The following RHOBTB1 variants were observed in gnomAD, a reference collection of about 807,000 sequenced individuals.
The protein encoded by RHOBTB1 is Rho related BTB domain containing 1.
In RHOBTB1, 40 loss-of-function variants were observed where a neutral mutation model predicts 71.6. The observed-to-expected ratio is 0.56, with a 90% confidence interval of 0.43 to 0.73. The LOEUF is 0.73. Ranked by LOEUF, RHOBTB1 falls within the 30% of genes least tolerant of loss-of-function variation. The pLI, the probability that RHOBTB1 is intolerant of heterozygous loss-of-function variation, is 0.00. For missense variants in RHOBTB1, 797 were observed against 894.0 expected (o/e 0.89, Z 1.38); for synonymous variants, 319 against 334.9 (o/e 0.95, Z 0.52).
chr10:60,979,282 T>C (rs1001712368), intron 2 of RHOBTB1, among the ~76,000 whole-genome samples: 1 of 152,164 alleles, frequency 6.6e-6, no homozygotes, highest in South Asian at 2.1e-4. Flanking sequence ...TCCCAGTAAA[T>C]TTACCATTTT....
At chr10:60,882,246 T>C (rs892535067) in intron 7 of RHOBTB1, among the ~76,000 whole-genome samples, 1 of 151,924 alleles carries the variant, frequency 6.6e-6, no homozygotes, top group African/African-American at 2.4e-5. Flanking sequence ...AATGCTACCC[T>C]AAACAATGTT....
intron 2 of RHOBTB1, among the ~76,000 whole-genome samples, chr10:60,962,237 T>A (rs976115141): frequency 3.9e-5 from 6 of 152,176 alleles, no homozygotes; most frequent in South Asian, 2.1e-4. Context: ...TAGCAGTCTG[T>A]AATTCTTTGT....
At chr10:60,924,266 T>G (rs2083734436) in intron 2 of RHOBTB1, among the ~76,000 whole-genome samples, 1 of 151,930 alleles carries the variant, frequency 6.6e-6, no homozygotes. Context: ...AGACACTATT[T>G]GAAGACGATT....
At chr10:60,942,390 A>T (rs908444250) in intron 1 of RHOBTB1, among the ~76,000 whole-genome samples, 2 of 152,236 alleles carry the variant, frequency 1.3e-5, no homozygotes, top group Non-Finnish European at 2.9e-5. Flanking sequence ...CACTTAAAAA[A>T]TTTTACACTA....
At position 60,971,585 on chromosome 10, in the gene RHOBTB1, A is replaced by T. The variant is rs184617544; in HGVS notation, c.-62+14260T>A. ...ACTTAAACATAAGACCTAAAACCATACAAACCCTAGAAGAAAACCTTGACA... is the reference window on the plus strand; with the variant it reads ...ACTTAAACATAAGACCTAAAACCATTCAAACCCTAGAAGAAAACCTTGACA... On this transcript the variant is annotated intron_variant, in intron 2 of 11. Coordinates refer to the RHOBTB1 transcript ENST00000357917. Among the ~76,000 whole-genome samples, 337 of 152,348 alleles carry T rather than the reference A, an allele frequency of 2.2e-3. 1 individual carries two copies. The highest frequency in any genetic ancestry group is 6.9e-3 in the African/African-American group (289 of 41,584).
upstream of RHOBTB1, among the ~76,000 whole-genome samples, chr10:60,946,779 C>T (rs1227480886): frequency 2.6e-5 from 4 of 152,180 alleles, no homozygotes; most frequent in African/African-American, 7.2e-5. Flanking sequence ...CAGCTCTTGA[C>T]CTCCACCCCC....
intron 2 of RHOBTB1, among the ~76,000 whole-genome samples, chr10:60,913,509 A>G (rs547291452): frequency 6.6e-6 from 1 of 152,308 alleles, no homozygotes; most frequent in South Asian, 2.1e-4. Flanking sequence ...TGGTTTTCTT[A>G]GTTACCCATC....
At chr10:60,872,360 C>G in intron 9 of RHOBTB1, 70 bp from the exon 10 acceptor site, 1 of 1,089,510 alleles carries the variant, frequency 9.2e-7, no homozygotes, top group Non-Finnish European at 1.4e-6. Flanking sequence ...ATTGGGGAAG[C>G]CATTTTAAGG....
At chr10:60,898,340 C>T (rs1316630699) in intron 4 of RHOBTB1, among the ~76,000 whole-genome samples, 5 of 152,062 alleles carry the variant, frequency 3.3e-5, no homozygotes, top group South Asian at 2.1e-4. Context: ...CCATTCATGT[C>T]GACAACATAT....
intron 1 of RHOBTB1, among the ~76,000 whole-genome samples, chr10:60,993,118 C>T (rs1232743893): frequency 6.6e-6 from 1 of 152,066 alleles, no homozygotes; most frequent in South Asian, 2.1e-4. Context: ...ACGTGTCTCT[C>T]TGCTTGGTTA....
At chr10:60,912,617 T>C (rs2083051882) in intron 2 of RHOBTB1, 1 of 152,154 alleles carries the variant, frequency 6.6e-6, no homozygotes. Context: ...ATCTGGAACA[T>C]ATGGCAAAGA....
At chr10:60,865,555 A>G (rs537845499), downstream of RHOBTB1, among the ~76,000 whole-genome samples, 1 of 152,358 alleles carries the variant, frequency 6.6e-6, no homozygotes, top group African/African-American at 2.4e-5. Context: ...GGCCAAGGCC[A>G]GATGGGATGG....
Position 60,892,951 on chromosome 10 carries a change from G to A in RHOBTB1, c.341C>T (p.Ser114Phe). 1.2e-6 allele frequency: 2 copies of A among 1,613,974 alleles called. No homozygotes were observed. The highest frequency in any genetic ancestry group is 1.7e-6 in the Non-Finnish European group (2 of 1,179,938). ...VLCFSIANPN[S>F]LNHVKSMWYP... ...CCACATGCTTTTCACATGATTTAGGGAATTGGGATTAGCAATCGAAAAACA... is the reference window on the plus strand; with the variant it reads ...CCACATGCTTTTCACATGATTTAGGAAATTGGGATTAGCAATCGAAAAACA... Residue 114 changes from serine to phenylalanine, a missense_variant, in exon 5 of 11, where the codon TCC becomes TTC. Physicochemically the swap from Ser to Phe is radical, Grantham distance 155 (BLOSUM62 -2). Coordinates refer to ENST00000337910, the MANE Select transcript of RHOBTB1 (RefSeq NM_014836.5).
upstream of RHOBTB1, among the ~76,000 whole-genome samples, chr10:60,946,314 A>G (rs1021403244): frequency 6.6e-6 from 1 of 152,188 alleles, no homozygotes; most frequent in African/African-American, 2.4e-5. Flanking sequence ...CACTCCTAGC[A>G]ATCAGTCCTC....
At chr10:60,982,659 C>T (rs528869457) in intron 2 of RHOBTB1, among the ~76,000 whole-genome samples, 5 of 152,254 alleles carry the variant, frequency 3.3e-5, no homozygotes, top group African/African-American at 1.2e-4. Context: ...AAAATTTCCT[C>T]CTATTGGGAA....
chr10:60,999,378 A>T (rs1399596665), intron 1 of RHOBTB1, among the ~76,000 whole-genome samples: 1 of 152,226 alleles, frequency 6.6e-6, no homozygotes, highest in African/African-American at 2.4e-5. Context: ...AACAAAAAAG[A>T]TCCCTTGTAT....
chr10:60,928,663 T>G (rs2084039879), intron 2 of RHOBTB1, among the ~76,000 whole-genome samples: 1 of 151,998 alleles, frequency 6.6e-6, no homozygotes, highest in African/African-American at 2.4e-5. Context: ...GGATGGTTAG[T>G]GGGTAAAAAA....
chr10:60,878,429 C>A (rs2081151165), intron 7 of RHOBTB1, among the ~76,000 whole-genome samples: 1 of 152,218 alleles, frequency 6.6e-6, no homozygotes, highest in Non-Finnish European at 1.5e-5. Context: ...TTGGGCGGAG[C>A]TGCAAACCAC....
At chr10:60,879,931 T>C (rs1231010582) in intron 7 of RHOBTB1, among the ~76,000 whole-genome samples, 2 of 152,138 alleles carry the variant, frequency 1.3e-5, no homozygotes, top group Admixed American at 6.5e-5. Flanking sequence ...CTGCTTCCGT[T>C]CTGAACATGT....
Sources: allele counts gnomAD v4.1 joint callset (sites outside exome capture counted in the v4.1 genomes callset), GRCh38; gene constraint gnomAD v4.1.1; transcripts MANE v1.5; gene names NCBI Gene and HGNC (gene_info 2026-07-23, HGNC 2026-07-21).